ZNF551: variants seen among roughly 807,000 people sequenced by gnomAD.
ZNF551 encodes KOX 23 protein (56 AA).
In ZNF551, 5 loss-of-function variants were observed where a neutral mutation model predicts 7.9. The ratio of observed to expected loss-of-function variants is 0.63; its 90% confidence interval spans 0.33 to 1.33. The LOEUF is 1.33. Ranked by LOEUF, ZNF551 falls within the 40% of genes most tolerant of loss-of-function variation. ZNF551 has a pLI of 0.05. For synonymous variants in ZNF551, 287 were observed against 277.3 expected (o/e 1.03, Z -0.35); for missense variants, 788 against 825.2 (o/e 0.95, Z 0.55).
chr19:57,682,276 C>T (rs1466604501), intron 1 of ZNF551, 32 bp downstream of exon 1: 17 of 1,546,292 alleles, frequency 1.1e-5, no homozygotes, highest in East Asian at 4.9e-5. Flanking sequence ...TCTCGCCTAC[C>T]TCCCCCAGCA....
rs368310131 is a variant in ZNF551, at chr19:57,687,493, C to T, written c.1218C>T (p.Leu406=). 1.9e-6 allele frequency: 3 copies of T among 1,614,022 alleles called. No homozygotes were observed. The highest frequency in any genetic ancestry group is 2.5e-6 in the Non-Finnish European group (3 of 1,179,942). ...CGKSFRQIFN[L]IRHRRVHTGE... ...AATCCTTTAGACAAATCTTCAATCT[C>T]ATTCGACATAGAAGAGTTCACACTG... Residue 406 remains leucine (L), a synonymous_variant, in exon 3 of 3, where the codon CTC becomes CTT. Transcript: ENST00000282296.
chr19:57,683,024 G>GA (rs1367077845), intron 1 of ZNF551, among the ~76,000 whole-genome samples: 1 of 152,184 alleles, frequency 6.6e-6, no homozygotes, highest in Admixed American at 6.5e-5. Flanking sequence ...CAGTGTAGTA[G>GA]AAGTCAGACC....
intron 2 of ZNF551, 136 bp from the exon 3 acceptor site, chr19:57,686,345 G>A: frequency 8.2e-7 from 1 of 1,212,690 alleles, no homozygotes; most frequent in South Asian, 1.6e-5. Context: ...CTTCAAACCA[G>A]CCTATTCCTC....
rs907922948 is a variant in ZNF551, at chr19:57,686,992, T to C, written c.717T>C (p.Val239=). 19 of 1,614,082 alleles carry C rather than the reference T, an allele frequency of 1.2e-5. No homozygotes were observed. The highest frequency in any genetic ancestry group is 1.6e-5 in the Non-Finnish European group (19 of 1,180,054). The change falls in exon 3 of 3, where the codon GTT becomes GTC. Residue 239 remains valine, a synonymous_variant. Coordinates refer to ENST00000282296, the MANE Select transcript of ZNF551 (RefSeq NM_138347.5). ...RKASSHKHTL[V]QHQSVCSEGG... ...CTTCAAGCCACAAACACACACTTGT[T>C]CAGCATCAGAGTGTCTGTTCTGAAG...
Position 57,682,132 on chromosome 19 carries a change from G to A in ZNF551, c.-32G>A, listed in dbSNP as rs759938537. 2.6e-6 allele frequency: 4 copies of A among 1,536,060 alleles called. No individual in the cohort carries two copies. Among genetic ancestry groups the A allele is most frequent in the Admixed American group, 2.0e-5 (1 of 50,532 alleles). On this transcript the variant is annotated 5_prime_UTR_variant, in exon 1 of 3. Coordinates refer to ENST00000282296, the MANE Select transcript of ZNF551 (RefSeq NM_138347.5). The stretch of plus-strand genomic sequence containing the variant: ...TGCGACACCACCTCGGGTGAGCTGC[G>A]CCAGGCCCGGGATAGGGACTGTTGT...
chr19:57,685,450 A>G, intron 2 of ZNF551, 65 bp downstream of exon 2: 2 of 1,611,650 alleles, frequency 1.2e-6, no homozygotes, highest in South Asian at 1.1e-5. Context: ...CCTCTGTCTC[A>G]GGAGTCTTGC....
In ZNF551 at chr19:57,687,009, G is replaced by C; in HGVS notation, c.734G>C (p.Cys245Ser). The change falls in exon 3 of 3, where the codon TGT becomes TCT. Residue 245 changes from cysteine (C) to serine (S), a missense_variant. Cys to Ser is a moderately radical substitution (Grantham distance 112, BLOSUM62 -1). Coordinates refer to ENST00000282296, the MANE Select transcript of ZNF551 (RefSeq NM_138347.5). Reference protein sequence around the residue: ...KHTLVQHQSVCSEGGLYECSK... With the variant: ...KHTLVQHQSVSSEGGLYECSK... ...ACACTTGTTCAGCATCAGAGTGTCT[G>C]TTCTGAAGGAGGGCTTTATGAGTGT... 1 of 1,614,188 alleles carries C rather than the reference G, an allele frequency of 6.2e-7. No homozygotes were observed. Among genetic ancestry groups the C allele is most frequent in the Non-Finnish European group, 8.5e-7 (1 of 1,180,032 alleles).
At position 57,687,725 on chromosome 19, in the gene ZNF551, T is replaced by C. The variant is rs1389007402; in HGVS notation, c.1450T>C (p.Phe484Leu). ...TGAGTGCAGTGAATGTGAGAAATCCTTTAGCCGCAAATTTATCCTGATTCA... is the reference window on the plus strand; with the variant it reads ...TGAGTGCAGTGAATGTGAGAAATCCCTTAGCCGCAAATTTATCCTGATTCA... ...PYECSECEKS[F>L]SRKFILIQHQ... The change falls in exon 3 of 3, where the codon TTT becomes CTT. Residue 484 changes from phenylalanine to leucine, a missense_variant. Physicochemically the swap from Phe to Leu is conservative, Grantham distance 22. Transcript: ENST00000282296. The C allele has an allele frequency of 1.9e-6, 3 of 1,614,166 alleles. No homozygotes were observed. The East Asian group carries it at 6.7e-5, about 36-fold the overall frequency.
intron 2 of ZNF551, 195 bp downstream of exon 2, chr19:57,685,580 C>A: frequency 1.3e-6 from 1 of 753,166 alleles, no homozygotes; most frequent in Non-Finnish European, 2.2e-6. Flanking sequence ...TTCCTTATGT[C>A]CACCTATATC....
At position 57,687,482 on chromosome 19, in the gene ZNF551, A is replaced by G. The variant is rs1984608543; in HGVS notation, c.1207A>G (p.Ile403Val). ...TGAGTGTGGGAAATCCTTTAGACAAATCTTCAATCTCATTCGACATAGAAG... is the reference window on the plus strand; with the variant it reads ...TGAGTGTGGGAAATCCTTTAGACAAGTCTTCAATCTCATTCGACATAGAAG... Reference protein sequence around the residue: ...CCECGKSFRQIFNLIRHRRVH... With the variant: ...CCECGKSFRQVFNLIRHRRVH... Residue 403 changes from isoleucine (I) to valine (V), a missense_variant, in exon 3 of 3, where the codon ATC becomes GTC. Coordinates refer to ENST00000282296, the MANE Select transcript of ZNF551 (RefSeq NM_138347.5). The G allele has an allele frequency of 1.9e-6, 3 of 1,613,942 alleles. No individual in the cohort carries two copies. The highest frequency in any genetic ancestry group is 2.5e-6 in the Non-Finnish European group (3 of 1,179,988).
At chr19:57,685,207 A>G (rs1428528686) in intron 1 of ZNF551, 55 bp from the exon 2 acceptor site, 1 of 1,598,670 alleles carries the variant, frequency 6.3e-7, no homozygotes, top group African/African-American at 1.3e-5. Context: ...GTTGGGGGCA[A>G]GAGGATAATG....
At chr19:57,684,578 A>C (rs1984493184) in intron 1 of ZNF551, among the ~76,000 whole-genome samples, 1 of 152,148 alleles carries the variant, frequency 6.6e-6, no homozygotes, top group African/African-American at 2.4e-5. Context: ...GGGAGAACAC[A>C]ATGACCAATG....
chr19:57,685,689 C>T (rs1405284698), intron 2 of ZNF551, among the ~76,000 whole-genome samples: 4 of 151,774 alleles, frequency 2.6e-5, no homozygotes, highest in Admixed American at 2.0e-4. Context: ...CTGGTCACTC[C>T]CTTGTCCTCT....
Position 57,686,511 on chromosome 19 carries a change from T to C in ZNF551, c.236T>C (p.Ile79Thr), listed in dbSNP as rs1984557827. ...GYCHGMENEA[I>T]ASEQSVSIQV... is the part of the protein sequence containing the mutation. ...TGCCATGGAATGGAGAATGAGGCGATAGCTTCTGAGCAGAGTGTATCTATA... is the reference window on the plus strand; with the variant it reads ...TGCCATGGAATGGAGAATGAGGCGACAGCTTCTGAGCAGAGTGTATCTATA... The change falls in exon 3 of 3, where the codon ATA (isoleucine) becomes ACA (threonine). Residue 79 changes from isoleucine (I) to threonine (T), a missense_variant. Coordinates refer to ENST00000282296, the MANE Select transcript of ZNF551 (RefSeq NM_138347.5). 6.2e-7 allele frequency: 1 copy of C among 1,610,014 alleles called. No homozygotes were observed. Among genetic ancestry groups the C allele is most frequent in the Non-Finnish European group, 8.5e-7 (1 of 1,176,688 alleles).
Position 57,687,907 on chromosome 19 carries a change from T to A in ZNF551, c.1632T>A (p.Ser544=). The A allele has an allele frequency of 6.2e-7, 1 of 1,614,202 alleles. No individual in the cohort carries two copies. The highest frequency in any genetic ancestry group is 2.2e-5 in the East Asian group (1 of 44,872). Residue 544 remains serine, a synonymous_variant, in exon 3 of 3, where the codon TCT becomes TCA. Transcript: ENST00000282296. The part of the protein sequence containing the change: ...SECGKSFRQR[S]GLIQHRRLHT... ...GTGGCAAATCTTTTAGACAGCGCTC[T>A]GGCCTCATTCAGCACCGGAGACTTC...
In ZNF551 at chr19:57,688,531, C is replaced by T; in HGVS notation, c.*243C>T. ...TTCACATTTCACCCCTACCACCTGG[C>T]AGGTGCACACCATGTGCATGAGTCA... On this transcript the variant is annotated 3_prime_UTR_variant, in exon 3 of 3. Transcript: ENST00000282296. 1 of 557,952 alleles carries T rather than the reference C, an allele frequency of 1.8e-6. No homozygotes were observed. Among genetic ancestry groups the T allele is most frequent in the Non-Finnish European group, 3.2e-6 (1 of 316,782 alleles). 34.6% of individuals were successfully genotyped at this position (557,952 alleles called of 1,614,324 possible).
intron 1 of ZNF551, among the ~76,000 whole-genome samples, chr19:57,682,762 C>T (rs1984430892): frequency 6.6e-6 from 1 of 152,220 alleles, no homozygotes; most frequent in African/African-American, 2.4e-5. Flanking sequence ...GGCCACCTGG[C>T]TCCAAAACTG....
Position 57,687,839 on chromosome 19 carries a change from C to T in ZNF551, c.1564C>T (p.Arg522Trp), listed in dbSNP as rs750953825. ...CCGCAAATCTGACCTCATTCAACAC[C>T]GGAGAATTCATACTGGCACAAGACC... Reference protein sequence around the residue: ...FTRKSDLIQHRRIHTGTRPYE... With the variant: ...FTRKSDLIQHWRIHTGTRPYE... The change falls in exon 3 of 3, where the codon CGG becomes TGG. Residue 522 changes from arginine to tryptophan, a missense_variant. Physicochemically the swap from Arg to Trp is moderately radical, Grantham distance 101. Coordinates refer to ENST00000282296, the MANE Select transcript of ZNF551 (RefSeq NM_138347.5). 75 of 1,613,836 alleles carry T rather than the reference C, an allele frequency of 4.6e-5. No individual in the cohort carries two copies. Among genetic ancestry groups the T allele is most frequent in the East Asian group, 1.1e-4 (5 of 44,872 alleles).
At position 57,684,004 on chromosome 19, in the gene ZNF551, G is replaced by A. The variant is rs193202854; in HGVS notation, c.82-1258G>A. Among the ~76,000 whole-genome samples the A allele has an allele frequency of 2.6e-5, 4 of 152,242 alleles. 1 individual carries two copies. Among genetic ancestry groups the A allele is most frequent in the African/African-American group, 9.6e-5 (4 of 41,552 alleles). On this transcript the variant is annotated intron_variant, in intron 1 of 2. Coordinates refer to ENST00000282296, the MANE Select transcript of ZNF551 (RefSeq NM_138347.5). The stretch of plus-strand genomic sequence containing the variant: ...GGGCCCGGGGTAGAGAGCCACTGGG[G>A]TTGGACCTTGAATTAGTGGTAGTTG...
Sources: gnomAD v4.1 joint callset for allele counts (sites outside exome capture counted in the v4.1 genomes callset) on GRCh38, gnomAD v4.1.1 for gene constraint, MANE v1.5 for transcripts, NCBI Gene and HGNC (gene_info 2026-07-23, HGNC 2026-07-21) for gene names.